Variants in TBC1D1 observed in about 807,000 individuals in gnomAD.
TBC1D1 encodes the protein TBC1 domain family member 1.
Under a neutral mutation model 125.6 loss-of-function variants are expected in TBC1D1, and 89 were observed. The observed-to-expected ratio is 0.71, with a 90% CI of 0.60 to 0.85. The LOEUF is 0.85. Ranked by LOEUF, TBC1D1 falls within the 40% of genes least tolerant of loss-of-function variation. The pLI, the probability that TBC1D1 is intolerant of heterozygous loss-of-function variation, is 0.00. For missense variants in TBC1D1, 1,377 were observed against 1,469.2 expected, an observed-to-expected ratio of 0.94 and a Z score of 1.03; for synonymous variants, 565 against 564.1, an observed-to-expected ratio of 1.00 and a Z score of -0.02.
intron 2 of TBC1D1, among the ~76,000 whole-genome samples, chr4:37,905,951 C>T (rs900747580): frequency 6.6e-6 from 1 of 152,156 alleles, no homozygotes; most frequent in Non-Finnish European, 1.5e-5. Flanking sequence ...GGTTTTGGCA[C>T]CCATCTAGTA....
At chr4:37,955,919 T>G (rs1728840678) in intron 2 of TBC1D1, among the ~76,000 whole-genome samples, 2 of 152,162 alleles carry the variant, frequency 1.3e-5, no homozygotes, top group African/African-American at 4.8e-5. Context: ...GGAGGATTGC[T>G]TGAGTCTAGG....
At chr4:38,036,071 C>T (rs550537982) in intron 8 of TBC1D1, among the ~76,000 whole-genome samples, 1 of 152,286 alleles carries the variant, frequency 6.6e-6, no homozygotes, top group East Asian at 1.9e-4. Flanking sequence ...TTTGGAATTA[C>T]AAAAAGTACC....
At chr4:37,928,899 T>C (rs1250601854) in intron 2 of TBC1D1, among the ~76,000 whole-genome samples, 3 of 152,236 alleles carry the variant, frequency 2.0e-5, no homozygotes, top group Non-Finnish European at 2.9e-5. Context: ...TCCAAGGTCA[T>C]ATGAACCACA....
chr4:38,028,045 C>T (rs1291677077), intron 7 of TBC1D1, among the ~76,000 whole-genome samples, 166 bp downstream of exon 7: 1 of 151,492 alleles, frequency 6.6e-6, no homozygotes, highest in African/African-American at 2.4e-5. Context: ...CCCTGGGCCA[C>T]ATTGGAAGAA....
rs1165348860 is a variant in TBC1D1 at position 37,977,433 on chromosome 4, CG to C, written c.418-37073del. 5 of 966,702 alleles carry C rather than the reference CG, an allele frequency of 5.2e-6. No homozygotes were observed. In the Admixed American group the frequency reaches 3.1e-4, roughly 61 times the overall value. The allele number at this position is 966,702 out of a possible 1,614,324, so 59.9% of individuals were successfully genotyped here. On this transcript the variant is annotated intron_variant, in intron 2 of 19. Transcript: ENST00000261439. This position sits in a 1 kb window ranked among gnomAD's most constrained non-coding sequence, Gnocchi z 4.3. The stretch of plus-strand genomic sequence containing the variant: ...CCCCAAGCCCGCCCCCGGCCGCCCG[CG>C]GGCCCACGGGCCGGCGGCGGGAGTG...
intron 2 of TBC1D1, among the ~76,000 whole-genome samples, chr4:37,945,628 G>A (rs1726550336): frequency 6.9e-6 from 1 of 144,288 alleles, no homozygotes; most frequent in South Asian, 2.3e-4. Flanking sequence ...TTACTTGGAT[G>A]ATGTTGTATG....
chr4:38,069,076 G>A (rs1452148410), intron 12 of TBC1D1, among the ~76,000 whole-genome samples: 2 of 152,224 alleles, frequency 1.3e-5, no homozygotes, highest in South Asian at 2.1e-4. Flanking sequence ...CTAAAAGCAA[G>A]TGGGGACTGT....
chr4:37,930,134 G>C (rs779433453), intron 2 of TBC1D1, among the ~76,000 whole-genome samples: 7 of 152,138 alleles, frequency 4.6e-5, no homozygotes, highest in Non-Finnish European at 1.0e-4. Flanking sequence ...TAGTAGAATG[G>C]ATACATTGTT....
intron 4 of TBC1D1, 42 bp from the exon 5 acceptor site, chr4:38,020,549 C>T (rs1196407725): frequency 2.0e-6 from 3 of 1,535,796 alleles, no homozygotes; most frequent in African/African-American, 2.7e-5. Flanking sequence ...GATGGTGCGT[C>T]TTCTGGATAC....
chr4:38,016,560 C>T (rs13142228), intron 3 of TBC1D1, among the ~76,000 whole-genome samples: 46,845 of 152,150 alleles, frequency 0.31, 7,516 homozygotes, highest in East Asian at 0.55. Flanking sequence ...TACCATTTGA[C>T]ACAATTACAA....
At chr4:38,074,076 A>G (rs1343620300) in intron 12 of TBC1D1, among the ~76,000 whole-genome samples, 4 of 152,184 alleles carry the variant, frequency 2.6e-5, no homozygotes, top group Non-Finnish European at 4.4e-5. Context: ...AAGTACATGT[A>G]AAATCCTGAA....
chr4:38,038,350 A>G (rs6827416), intron 8 of TBC1D1, among the ~76,000 whole-genome samples: 97,107 of 152,004 alleles, frequency 0.64, 31,730 homozygotes, highest in African/African-American at 0.77. Flanking sequence ...GAATTATACC[A>G]TGAGCACTCA....
intron 2 of TBC1D1, among the ~76,000 whole-genome samples, chr4:37,971,453 A>G (rs1732003923): frequency 6.6e-6 from 1 of 152,198 alleles, no homozygotes; most frequent in Admixed American, 6.5e-5. Context: ...TTATAAAACC[A>G]TCAGATCTCA....
intron 2 of TBC1D1, chr4:38,006,743 T>C: frequency 2.4e-6 from 1 of 408,732 alleles, no homozygotes; most frequent in Non-Finnish European, 4.8e-6. Flanking sequence ...CCTCCCAAAG[T>C]GCTGGGATTA....
At chr4:38,037,664 T>C (rs1054281091) in intron 8 of TBC1D1, among the ~76,000 whole-genome samples, 1 of 152,212 alleles carries the variant, frequency 6.6e-6, no homozygotes, top group African/African-American at 2.4e-5. Flanking sequence ...TAGACCGTGG[T>C]AGGATCATGG....
chr4:38,133,692 A>G (rs1270768267), intron 19 of TBC1D1, among the ~76,000 whole-genome samples: 2 of 152,226 alleles, frequency 1.3e-5, no homozygotes, highest in Admixed American at 1.3e-4. Context: ...ACCAGAAGAG[A>G]TGATAATTCT....
intron 12 of TBC1D1, among the ~76,000 whole-genome samples, chr4:38,056,556 C>T (rs1157002872): frequency 6.6e-6 from 1 of 152,238 alleles, no homozygotes; most frequent in Non-Finnish European, 1.5e-5. Flanking sequence ...TGCCTGTAAG[C>T]TCAGTGCTTT....
intron 8 of TBC1D1, among the ~76,000 whole-genome samples, chr4:38,039,127 T>TTTTTTTC (rs1279258152): frequency 1.2e-5 from 1 of 81,256 alleles, no homozygotes; most frequent in Non-Finnish European, 2.3e-5. Context: ...TTTTTTTTTT[T>TTTTTTTC]TTTTTTTTGA....
rs1275093969 is a variant in TBC1D1, at chr4:38,138,714, C to T, written c.*1379C>T. 2.0e-5 allele frequency: 3 copies of T among 152,642 alleles called. No homozygotes were observed. The highest frequency in any genetic ancestry group is 7.2e-5 in the African/African-American group (3 of 41,452). The allele number at this position is 152,642 out of a possible 1,614,324, so 9.5% of individuals were successfully genotyped here. A position where few individuals can be genotyped will look rare whatever the true frequency, so the allele number is the denominator to read the frequency against. On this transcript the variant is annotated 3_prime_UTR_variant, in exon 20 of 20. Coordinates refer to ENST00000261439, the MANE Select transcript of TBC1D1 (RefSeq NM_015173.4). ...CAGGTCACTTCCTTGACAACACAAT[C>T]ATTTCTGATCTTTATCACTGTAACC...
Sources: allele counts gnomAD v4.1 joint callset (sites outside exome capture counted in the v4.1 genomes callset), GRCh38; gene constraint gnomAD v4.1.1; non-coding constraint Gnocchi (gnomAD v3.1); transcripts MANE v1.5; gene names NCBI Gene and HGNC (gene_info 2026-07-23, HGNC 2026-07-21).